EP300: variants seen among roughly 807,000 people sequenced by gnomAD.
The protein encoded by EP300 is EP300 lysine acetyltransferase.
EP300 carries 31 observed loss-of-function variants against 264.0 expected under a neutral mutation model. The observed-to-expected ratio is 0.12, with a 90% CI of 0.09 to 0.16. The LOEUF (loss-of-function observed/expected upper bound fraction) is 0.16, where lower values mean the gene tolerates loss of function less well. EP300 is among the 10% of genes least tolerant of loss of function. The pLI is 1.00. For synonymous variants in EP300, 1,340 were observed against 1,045.4 expected, an observed-to-expected ratio of 1.28 and a Z score of -5.44; for missense variants, 2,766 against 3,052.9, an observed-to-expected ratio of 0.91 and a Z score of 2.21.
intron 30 of EP300, 107 bp from the exon 31 acceptor site, chr22:41,176,666 A>G: frequency 1.2e-6 from 2 of 1,610,644 alleles, no homozygotes; most frequent in Non-Finnish European, 1.7e-6. Context: ...TGAAGAGGCT[A>G]GTTTTTGTTC....
In EP300 at chr22:41,131,561, G is replaced by T; in HGVS notation, c.1456G>T (p.Val486Leu). Reference protein sequence around the residue: ...QVNQMPTQPQVQAKNQQNQQP... With the variant: ...QVNQMPTQPQLQAKNQQNQQP... The stretch of plus-strand genomic sequence containing the variant: ...AAATCAGATGCCGACACAACCCCAG[G>T]TGCAAGCAAAGAACCAGCAGAATCA... The change falls in exon 6 of 31, where the codon GTG becomes TTG. Residue 486 changes from valine (V) to leucine (L), a missense_variant. Coordinates refer to ENST00000263253, the MANE Select transcript of EP300 (RefSeq NM_001429.4). 1 of 1,614,028 alleles carries T rather than the reference G, an allele frequency of 6.2e-7. No individual in the cohort carries two copies. The highest frequency in any genetic ancestry group is 8.5e-7 in the Non-Finnish European group (1 of 1,180,016).
At chr22:41,114,264 C>T (rs2058809675) in intron 1 of EP300, among the ~76,000 whole-genome samples, 1 of 152,314 alleles carries the variant, frequency 6.6e-6, no homozygotes, top group South Asian at 2.1e-4. Context: ...TCACTGCAGC[C>T]TCAACTTCCC....
chr22:41,141,017 T>C, intron 9 of EP300, 31 bp from the exon 10 acceptor site: 1 of 1,606,602 alleles, frequency 6.2e-7, no homozygotes, highest in South Asian at 1.1e-5. Flanking sequence ...TTTTTCCTCA[T>C]CTCCCTTATT....
chr22:41,160,434 A>C, intron 19 of EP300: 4 of 535,150 alleles, frequency 7.5e-6, no homozygotes, highest in Non-Finnish European at 1.3e-5. Context: ...AAAAAAACAA[A>C]AAAAAACAAA....
At chr22:41,137,195 C>T (rs2145722004) in intron 7 of EP300, among the ~76,000 whole-genome samples, 1 of 150,172 alleles carries the variant, frequency 6.7e-6, no homozygotes, top group East Asian at 2.0e-4. Context: ...CCCATCTCTA[C>T]TAAAATACAA....
intron 27 of EP300, 92 bp from the exon 28 acceptor site, chr22:41,172,407 C>T (rs986398500): frequency 1.0e-4 from 124 of 1,187,814 alleles, no homozygotes; most frequent in Non-Finnish European, 1.4e-4. Flanking sequence ...ACATTTTAAG[C>T]TTTCATGTTT....
At chr22:41,093,295 A>G (rs1038671819) in intron 1 of EP300, among the ~76,000 whole-genome samples, 197 bp downstream of exon 1, 1 of 152,136 alleles carries the variant, frequency 6.6e-6, no homozygotes, top group South Asian at 2.1e-4. Flanking sequence ...ATTGATTGCA[A>G]CACTATGTCA....
intron 22 of EP300, among the ~76,000 whole-genome samples, chr22:41,165,457 C>G (rs2059129021): frequency 6.6e-6 from 1 of 152,064 alleles, no homozygotes. Context: ...GAGTTTCGCT[C>G]TTGTTGCCCA....
rs372645654 is a variant in EP300 at position 41,160,445 on chromosome 22, AAAAC to A, written c.3591-189_3591-186del. The A allele has an allele frequency of 5.6e-3, 3,120 of 554,520 alleles. 58 individuals carry two copies. Among genetic ancestry groups the A allele is most frequent in the African/African-American group, 0.031 (1,639 of 52,488 alleles). The allele number at this position is 554,520 out of a possible 1,614,324, so 34.3% of individuals were successfully genotyped here. A position where few individuals can be genotyped will look rare whatever the true frequency, so the allele number is the denominator to read the frequency against. On this transcript the variant is annotated intron_variant, in intron 19 of 30. Coordinates refer to ENST00000263253, the MANE Select transcript of EP300 (RefSeq NM_001429.4). The stretch of plus-strand genomic sequence containing the variant: ...AAAAAAAAAAACAAAAAAAAACAAA[AAAAC>A]AAACAAAAAAACCAAAACCCAAACT...
intron 9 of EP300, among the ~76,000 whole-genome samples, 178 bp from the exon 10 acceptor site, chr22:41,140,870 G>A (rs1022749399): frequency 1.3e-5 from 2 of 152,176 alleles, no homozygotes; most frequent in East Asian, 1.9e-4. Context: ...CGACTTAACT[G>A]TTGTTCACGG....
At chr22:41,150,220 G>A (rs1275805430) in intron 14 of EP300, 22 bp downstream of exon 14, 3 of 1,588,570 alleles carry the variant, frequency 1.9e-6, no homozygotes, top group African/African-American at 1.3e-5. Context: ...TTTGGATTTA[G>A]GCAGAATCAT....
rs1200401333 is a variant in EP300 at position 41,092,778 on chromosome 22, T to TGGGCCC, written c.-226_-221dup. On this transcript the variant is annotated 5_prime_UTR_variant, in exon 1 of 31. Transcript: ENST00000263253. The stretch of plus-strand genomic sequence containing the variant: ...GTGCTCTTGTGCCCTCCTCCGGGCT[T>TGGGCCC]GGGCCCAGGCCCGGCCCCTCGCACT... The TGGGCCC allele has an allele frequency of 1.6e-5, 10 of 627,052 alleles. No homozygotes were observed. The highest frequency in any genetic ancestry group is 1.2e-4 in the Admixed American group (4 of 34,498). 38.8% of individuals were successfully genotyped at this position (627,052 alleles called of 1,614,324 possible).
intron 1 of EP300, among the ~76,000 whole-genome samples, chr22:41,096,504 C>T (rs1308499082): frequency 6.6e-6 from 1 of 151,728 alleles, no homozygotes; most frequent in East Asian, 1.9e-4. Context: ...GTTTTTCCCC[C>T]ATTTCAAAGA....
rs1422775274 is a variant in EP300, at chr22:41,157,338, A to G, written c.3431A>G (p.Lys1144Arg). The change falls in exon 18 of 31, where the codon AAG (lysine) becomes AGG (arginine). Residue 1144 changes from lysine (K) to arginine (R), a missense_variant. Coordinates refer to ENST00000263253, the MANE Select transcript of EP300 (RefSeq NM_001429.4). ...KTSRVYKYCS[K>R]LSEVFEQEID... ...TCACGGGTATACAAATACTGCTCCA[A>G]GCTCTCTGAGGTCTTTGAACAAGAA... 6.2e-7 allele frequency: 1 copy of G among 1,614,038 alleles called. No individual in the cohort carries two copies. The highest frequency in any genetic ancestry group is 8.5e-7 in the Non-Finnish European group (1 of 1,180,030).
rs770125372 is a variant in EP300, at chr22:41,149,947, G to GCAA, written c.2573_2575dup (p.Thr858dup). 5 of 1,613,144 alleles carry GCAA rather than the reference G, an allele frequency of 3.1e-6. No homozygotes were observed. In the Admixed American group the frequency reaches 6.7e-5, roughly 22 times the overall value. On this transcript the variant is annotated inframe_insertion, in exon 14 of 31. Coordinates refer to ENST00000263253, the MANE Select transcript of EP300 (RefSeq NM_001429.4). ...AAGCATAGGGGCTCAGCAGCCACCA[G>GCAA]CAACAACAATTCCAGCCCCTGTTCC...
intron 19 of EP300, chr22:41,160,369 G>GTT: frequency 5.2e-6 from 2 of 384,494 alleles, no homozygotes; most frequent in East Asian, 4.5e-5. Flanking sequence ...TTTGTTTTGT[G>GTT]TTTTTTTTTC....
intron 1 of EP300, among the ~76,000 whole-genome samples, chr22:41,109,731 G>T (rs2058778186): frequency 1.3e-5 from 2 of 151,596 alleles, no homozygotes; most frequent in South Asian, 2.1e-4. Flanking sequence ...TTGGCAGGGG[G>T]AGGAGGACGG....
chr22:41,148,535 G>A (rs1250663663), intron 12 of EP300, among the ~76,000 whole-genome samples: 1 of 152,180 alleles, frequency 6.6e-6, no homozygotes, highest in Non-Finnish European at 1.5e-5. Flanking sequence ...TTTAAGGCCT[G>A]AATTTGTGTA....
chr22:41,118,515 C>T (rs1356255587), intron 2 of EP300, among the ~76,000 whole-genome samples: 1 of 152,178 alleles, frequency 6.6e-6, no homozygotes, highest in East Asian at 1.9e-4. Flanking sequence ...ACTATGGTTG[C>T]CAGTGCCTGG....
Sources: allele counts gnomAD v4.1 joint callset (sites outside exome capture counted in the v4.1 genomes callset), GRCh38; gene constraint gnomAD v4.1.1; transcripts MANE v1.5; gene names NCBI Gene and HGNC (gene_info 2026-07-23, HGNC 2026-07-21).